The following NTM variants were observed in gnomAD, a reference collection of about 807,000 sequenced individuals.
NTM encodes neurotrimin, also known as IgLON family member 2.
NTM carries 13 observed loss-of-function variants against 42.1 expected under a neutral mutation model. The ratio of observed to expected loss-of-function variants is 0.31; its 90% CI spans 0.20 to 0.49. The LOEUF is 0.49. NTM is among the 20% of genes least tolerant of loss of function. The probability of loss-of-function intolerance (pLI) is 0.99; values close to 1 mark genes in which losing one functional copy is unlikely to be tolerated. For missense variants in NTM, 373 were observed against 452.8 expected (o/e 0.82, Z 1.60); for synonymous variants, 187 against 179.2 (o/e 1.04, Z -0.35).
intron 1 of NTM, among the ~76,000 whole-genome samples, chr11:131,378,987 A>T (rs1268310746): frequency 6.6e-6 from 1 of 152,176 alleles, no homozygotes; most frequent in Non-Finnish European, 1.5e-5. Context: ...TGTATGCCGG[A>T]GTGAAAACTT....
At chr11:131,870,896 A>G (rs1320844162) in intron 1 of NTM, among the ~76,000 whole-genome samples, 1 of 152,160 alleles carries the variant, frequency 6.6e-6, no homozygotes, top group African/African-American at 2.4e-5. Context: ...GTCTTTTAAA[A>G]AATAGTCCTA....
intron 1 of NTM, among the ~76,000 whole-genome samples, chr11:131,883,969 A>T (rs2049961072): frequency 6.6e-6 from 1 of 152,230 alleles, no homozygotes; most frequent in Admixed American, 6.5e-5. Flanking sequence ...GCCATATGAT[A>T]GCTACAAATA....
chr11:131,544,863 A>C (rs2053722714), intron 1 of NTM, among the ~76,000 whole-genome samples: 1 of 152,172 alleles, frequency 6.6e-6, no homozygotes, highest in Non-Finnish European at 1.5e-5. Context: ...ATAACTTGAT[A>C]GCAGTGGGTG....
intron 4 of NTM, among the ~76,000 whole-genome samples, chr11:132,238,177 C>A (rs974599049): frequency 1.3e-5 from 2 of 151,978 alleles, no homozygotes; most frequent in African/African-American, 4.8e-5. Flanking sequence ...CCTTAATCGG[C>A]GAGGATGGGA....
At chr11:131,410,348 T>C (rs769321573) in intron 1 of NTM, among the ~76,000 whole-genome samples, 1 of 151,610 alleles carries the variant, frequency 6.6e-6, no homozygotes, top group African/African-American at 2.4e-5. Context: ...TAGCCAGGCC[T>C]GGTGGTGCAT....
At chr11:131,474,766 T>C (rs994022598) in intron 1 of NTM, among the ~76,000 whole-genome samples, 1 of 152,172 alleles carries the variant, frequency 6.6e-6, no homozygotes, top group African/African-American at 2.4e-5. Context: ...GGTATCATTA[T>C]ATCCTTCTTG....
chr11:131,849,726 C>T (rs565494982), intron 1 of NTM, among the ~76,000 whole-genome samples: 2 of 149,912 alleles, frequency 1.3e-5, no homozygotes, highest in South Asian at 4.2e-4. Context: ...TTTCAGAGCC[C>T]TTTATGGGTT....
At chr11:132,258,571 C>T (rs1231014216) in intron 4 of NTM, among the ~76,000 whole-genome samples, 1 of 152,050 alleles carries the variant, frequency 6.6e-6, no homozygotes, top group East Asian at 1.9e-4. Context: ...ATTTTCTCAC[C>T]TAGGCTTCTC....
At chr11:131,717,635 T>G (rs2077854000) in intron 1 of NTM, among the ~76,000 whole-genome samples, 1 of 152,238 alleles carries the variant, frequency 6.6e-6, no homozygotes, top group African/African-American at 2.4e-5. Flanking sequence ...CATCAGATAT[T>G]CTATATGGCA....
At chr11:131,712,941 A>G (rs1252862410) in intron 1 of NTM, among the ~76,000 whole-genome samples, 1 of 152,122 alleles carries the variant, frequency 6.6e-6, no homozygotes, top group Non-Finnish European at 1.5e-5. Flanking sequence ...AAAAAGAAGG[A>G]AGGAAGAAGT....
chr11:131,658,944 C>A (rs2067584373), intron 1 of NTM, among the ~76,000 whole-genome samples: 1 of 152,098 alleles, frequency 6.6e-6, no homozygotes, highest in South Asian at 2.1e-4. Flanking sequence ...TGCTCTCCAG[C>A]CTGGGTGACA....
chr11:131,895,929 G>A (rs11222831), intron 1 of NTM, among the ~76,000 whole-genome samples: 18,379 of 152,148 alleles, frequency 0.12, 1,227 homozygotes, highest in Middle Eastern at 0.14. Flanking sequence ...CAAGAAGAAC[G>A]TCTAGTCCAG....
intron 1 of NTM, chr11:131,771,120 A>G (rs1200952904): frequency 1.3e-5 from 2 of 152,218 alleles, no homozygotes; most frequent in Non-Finnish European, 2.9e-5. Flanking sequence ...ACTTATAAAA[A>G]AAAAGTTCGG....
intron 2 of NTM, among the ~76,000 whole-genome samples, chr11:131,987,384 C>CTATTT (rs2066238159): frequency 7.6e-5 from 3 of 39,602 alleles, no homozygotes; most frequent in Admixed American, 2.6e-4. Context: ...TCCTCCTATT[C>CTATTT]TATTCTATTC....
At chr11:131,677,418 A>T (rs994566623) in intron 1 of NTM, among the ~76,000 whole-genome samples, 1 of 152,218 alleles carries the variant, frequency 6.6e-6, no homozygotes, top group Non-Finnish European at 1.5e-5. Flanking sequence ...TATTTTTAAC[A>T]TATCAGCGAG....
At chr11:131,799,065 T>C (rs1340623265) in intron 1 of NTM, among the ~76,000 whole-genome samples, 17 of 152,282 alleles carry the variant, frequency 1.1e-4, no homozygotes, top group Admixed American at 1.1e-3. Context: ...GCAACTCTTT[T>C]AGTAAAGCAC....
chr11:132,284,181 G>T (rs532070100), intron 4 of NTM: 9 of 152,338 alleles, frequency 5.9e-5, no homozygotes, highest in African/African-American at 1.9e-4. Flanking sequence ...CCCTATTCTG[G>T]GCTTTCCCCT....
At chr11:131,672,333 G>A (rs527784829) in intron 1 of NTM, among the ~76,000 whole-genome samples, 3 of 152,332 alleles carry the variant, frequency 2.0e-5, no homozygotes, top group East Asian at 1.9e-4. Context: ...AGGCAGAGGC[G>A]GCGACTTGAG....
In NTM at chr11:131,426,449, G is replaced by A. The variant is rs1053779245; in HGVS notation, c.82+55561G>A. ...GCTCAAAGGAGCCCCGTATGCTGTG[G>A]AGAATTCCTCTGCTACCAGCCTCTG... On this transcript the variant is annotated intron_variant, in intron 1 of 8. Coordinates refer to ENST00000683400, the MANE Select transcript of NTM (RefSeq NM_001352005.2). Among the ~76,000 whole-genome samples, 6 of 152,272 alleles carry A rather than the reference G, an allele frequency of 3.9e-5. No individual in the cohort carries two copies. The South Asian group carries it at 8.3e-4, about 21-fold the overall frequency.
Sources: allele counts gnomAD v4.1 joint callset (sites outside exome capture counted in the v4.1 genomes callset), GRCh38; gene constraint gnomAD v4.1.1; transcripts MANE v1.5; gene names NCBI Gene and HGNC (gene_info 2026-07-23, HGNC 2026-07-21).